C21orf91: variants seen among roughly 807,000 people sequenced by gnomAD.
C21orf91 encodes chromosome 21 open reading frame 91, also known as protein EURL homolog.
Under a neutral mutation model 32.9 loss-of-function variants are expected in C21orf91, and 26 were observed. The observed-to-expected ratio is 0.79, with a 90% CI of 0.58 to 1.10. The LOEUF is 1.10. Ranked by LOEUF, C21orf91 falls within the 50% of genes least tolerant of loss-of-function variation. The pLI is 0.00. For missense variants in C21orf91, 310 were observed against 341.3 expected (o/e 0.91, Z 0.72); for synonymous variants, 126 against 120.4 (o/e 1.05, Z -0.31).
intron 4 of C21orf91, 108 bp from the exon 5 acceptor site, chr21:17,793,689 T>A (rs2062495958): frequency 1.5e-6 from 1 of 687,766 alleles, no homozygotes; most frequent in Non-Finnish European, 2.5e-6. Flanking sequence ...AGTGTCACAA[T>A]GAAACTGATT....
intron 2 of C21orf91, among the ~76,000 whole-genome samples, chr21:17,812,134 A>T (rs944646337): frequency 2.0e-5 from 3 of 152,176 alleles, no homozygotes; most frequent in African/African-American, 7.2e-5. Flanking sequence ...AGTCTTTACC[A>T]GATATTGTTA....
chr21:17,793,514 G>A lies in C21orf91; in HGVS notation c.795C>T (p.Arg265=). The change falls in exon 5 of 5, where the codon CGC becomes CGT. Residue 265 remains arginine (R), a synonymous_variant. Transcript: ENST00000284881. Reference sequence around the variant, plus strand: ...TCAGAAGCTGTTCGATGGCAACGTGGCGGACATGGAGCTGTGAGGCCAAAG... The same window carrying A: ...TCAGAAGCTGTTCGATGGCAACGTGACGGACATGGAGCTGTGAGGCCAAAG... ...KDSLASQLHV[R]HVAIEQLLKN... 6.2e-7 allele frequency: 1 copy of A among 1,613,648 alleles called. No individual in the cohort carries two copies. Among genetic ancestry groups the A allele is most frequent in the South Asian group, 1.1e-5 (1 of 91,064 alleles).
At chr21:17,794,743 A>C (rs1041401872) in intron 4 of C21orf91, among the ~76,000 whole-genome samples, 7 of 152,190 alleles carry the variant, frequency 4.6e-5, no homozygotes, top group Non-Finnish European at 8.8e-5. Flanking sequence ...AAATGTTAGT[A>C]AGAGGTGGTA....
chr21:17,818,408 A>C (rs1439946521), intron 1 of C21orf91, 83 bp from the exon 2 acceptor site: 2 of 1,133,622 alleles, frequency 1.8e-6, no homozygotes, highest in Non-Finnish European at 2.5e-6. Flanking sequence ...ACTTCTAGGA[A>C]ATAAGGATGC....
chr21:17,811,446 G>C (rs2062631842), intron 2 of C21orf91: 1 of 152,168 alleles, frequency 6.6e-6, no homozygotes, highest in African/African-American at 2.4e-5. Flanking sequence ...CTCTAAAGTA[G>C]AGATAAATCT....
chr21:17,818,388 T>A, intron 1 of C21orf91, 63 bp from the exon 2 acceptor site: 4 of 1,354,824 alleles, frequency 3.0e-6, no homozygotes, highest in Non-Finnish European at 4.1e-6. Flanking sequence ...GGTAGTTCCC[T>A]TTACTGGGAA....
intron 2 of C21orf91, among the ~76,000 whole-genome samples, chr21:17,800,629 T>C (rs1387182698): frequency 1.3e-5 from 2 of 152,198 alleles, no homozygotes; most frequent in African/African-American, 4.8e-5. Flanking sequence ...AGGGAATAAA[T>C]CTAAATGCAA....
chr21:17,815,122 C>T (rs911219927), intron 2 of C21orf91, among the ~76,000 whole-genome samples: 7 of 152,128 alleles, frequency 4.6e-5, no homozygotes, highest in Non-Finnish European at 8.8e-5. Context: ...ATTTTATAAA[C>T]GTATGCATGC....
At chr21:17,809,865 G>C (rs1446255369) in intron 2 of C21orf91, among the ~76,000 whole-genome samples, 1 of 152,156 alleles carries the variant, frequency 6.6e-6, no homozygotes, top group Non-Finnish European at 1.5e-5. Flanking sequence ...TTGAGATTCA[G>C]ATTTATGGGT....
chr21:17,815,245 C>G (rs1329598360), intron 2 of C21orf91, among the ~76,000 whole-genome samples: 1 of 152,090 alleles, frequency 6.6e-6, no homozygotes, highest in Non-Finnish European at 1.5e-5. Flanking sequence ...TGTATGGACT[C>G]AAAACTAGCT....
At position 17,818,222 on chromosome 21, in the gene C21orf91, A is replaced by T. The variant is rs2062677872; in HGVS notation, c.97T>A (p.Cys33Ser). The change falls in exon 2 of 5, where the codon TGC becomes AGC. Residue 33 changes from cysteine (C) to serine (S), a missense_variant. Physicochemically the swap from Cys to Ser is moderately radical, Grantham distance 112. Transcript: ENST00000284881. ...ATATTTAGCTCAAAACAAATGTGGC[A>T]GAAGGAGAGTGTTTCTTTGTCTGTT... ...LGTDKETLSFCHICFELNIEG... is the reference protein window; with the variant it reads ...LGTDKETLSFSHICFELNIEG... The T allele has an allele frequency of 2.5e-6, 4 of 1,610,692 alleles. No individual in the cohort carries two copies. The highest frequency in any genetic ancestry group is 3.4e-6 in the Non-Finnish European group (4 of 1,176,908).
In C21orf91 at chr21:17,790,059, C is replaced by G. The variant is rs1005129711; in HGVS notation, c.*3356G>C. ...CAACATTTGTCAGTAAATGAACTGG[C>G]ATACATCAGAAAAAGTTGACAATAG... On this transcript the variant is annotated 3_prime_UTR_variant, in exon 5 of 5. Transcript: ENST00000284881. The G allele has an allele frequency of 6.6e-5, 10 of 152,082 alleles. No individual in the cohort carries two copies. Among genetic ancestry groups the G allele is most frequent in the African/African-American group, 2.2e-4 (9 of 41,444 alleles). 9.4% of individuals were successfully genotyped at this position (152,082 alleles called of 1,614,324 possible). A position where few individuals can be genotyped will look rare whatever the true frequency, so the allele number is the denominator to read the frequency against.
In C21orf91 at chr21:17,795,183, A is replaced by G. The variant is rs372307704; in HGVS notation, c.727+25T>C. Reference sequence around the variant, plus strand: ...TCTATGTCAAAATTTGTCACACACAAAAAAGTACTGACAGTGATTCTTACC... The same window carrying G: ...TCTATGTCAAAATTTGTCACACACAGAAAAGTACTGACAGTGATTCTTACC... On this transcript the variant is annotated intron_variant, in intron 4 of 4. Transcript: ENST00000284881. The G allele has an allele frequency of 6.5e-6, 10 of 1,549,190 alleles. No individual in the cohort carries two copies. In the East Asian group the frequency reaches 1.3e-4, roughly 21 times the overall value.
At chr21:17,802,741 G>A (rs752968698) in intron 2 of C21orf91, among the ~76,000 whole-genome samples, 1 of 152,188 alleles carries the variant, frequency 6.6e-6, no homozygotes, top group Non-Finnish European at 1.5e-5. Context: ...AGCTGGTCCT[G>A]TCAAATAGCA....
chr21:17,816,250 G>T (rs1399339784), intron 2 of C21orf91, among the ~76,000 whole-genome samples: 2 of 152,182 alleles, frequency 1.3e-5, no homozygotes, highest in Non-Finnish European at 2.9e-5. Context: ...GATATTATCA[G>T]AGCTGAAATG....
chr21:17,793,737 A>G (rs1325090622), intron 4 of C21orf91, among the ~76,000 whole-genome samples, 156 bp from the exon 5 acceptor site: 4 of 152,252 alleles, frequency 2.6e-5, no homozygotes, highest in African/African-American at 9.6e-5. Flanking sequence ...TACAAAGCAT[A>G]TCAGTTCTGA....
rs1166988694 is a variant in C21orf91, at chr21:17,789,023, A to G, written c.*4392T>C. 2 of 152,184 alleles carry G rather than the reference A, an allele frequency of 1.3e-5. No individual in the cohort carries two copies. Among genetic ancestry groups the G allele is most frequent in the East Asian group, 3.8e-4 (2 of 5,204 alleles). The allele number at this position is 152,184 out of a possible 1,614,324, so 9.4% of individuals were successfully genotyped here. ...GTAAAATTAAAAATAGTAGACAAGC[A>G]TATATACAGTTCCCAAGCAGAGCAA... On this transcript the variant is annotated 3_prime_UTR_variant, in exon 5 of 5. Coordinates refer to ENST00000284881, the MANE Select transcript of C21orf91 (RefSeq NM_001100420.2).
intron 2 of C21orf91, among the ~76,000 whole-genome samples, chr21:17,807,223 G>A (rs2062602515): frequency 1.3e-5 from 2 of 152,158 alleles, no homozygotes; most frequent in Admixed American, 1.3e-4. Flanking sequence ...GATCATGGGA[G>A]CAAACTTCCC....
In C21orf91 at chr21:17,794,704, G is replaced by A. The variant is rs530708830; in HGVS notation, c.727+504C>T. Among the ~76,000 whole-genome samples the A allele has an allele frequency of 2.6e-5, 4 of 152,318 alleles. No homozygotes were observed. In the South Asian group the frequency reaches 8.3e-4, roughly 32 times the overall value. On this transcript the variant is annotated intron_variant, in intron 4 of 4. Coordinates refer to ENST00000284881, the MANE Select transcript of C21orf91 (RefSeq NM_001100420.2). ...AACTGTTTGGGAGGACTCCCACATA[G>A]TGCCTGGTGCAATAGTGGGTAGTCA...
Sources: allele counts gnomAD v4.1 joint callset (sites outside exome capture counted in the v4.1 genomes callset), GRCh38; gene constraint gnomAD v4.1.1; transcripts MANE v1.5; gene names NCBI Gene and HGNC (gene_info 2026-07-23, HGNC 2026-07-21).